TOGARAM2: variants seen among roughly 807,000 people sequenced by gnomAD.
TOGARAM2 encodes the protein TOG array regulator of axonemal microtubules protein 2.
Under a neutral mutation model 93.3 loss-of-function variants are expected in TOGARAM2, and 85 were observed. The ratio of observed to expected loss-of-function variants is 0.91; its 90% CI spans 0.76 to 1.09. The LOEUF is 1.09. Among genes scored for constraint, TOGARAM2 ranks in the 50% least tolerant of loss-of-function variants. The pLI is 0.00. For missense variants in TOGARAM2, 1,277 were observed against 1,334.5 expected, an observed-to-expected ratio of 0.96 and a Z score of 0.67; for synonymous variants, 593 against 552.8, an observed-to-expected ratio of 1.07 and a Z score of -1.02.
At chr2:28,976,288 G>T (rs868015381) in intron 1 of TOGARAM2, among the ~76,000 whole-genome samples, 1 of 152,166 alleles carries the variant, frequency 6.6e-6, no homozygotes, top group Non-Finnish European at 1.5e-5. Context: ...GGAGAATGGC[G>T]TGAACCTGGA....
intron 18 of TOGARAM2, among the ~76,000 whole-genome samples, chr2:29,043,070 G>C (rs1023258024): frequency 1.3e-5 from 2 of 152,172 alleles, no homozygotes; most frequent in African/African-American, 4.8e-5. Context: ...TCTGAGCCCA[G>C]GTAAATGATG....
rs1313383673 is a variant in TOGARAM2 at position 28,998,272 on chromosome 2, A to G, written c.139+19A>G. 1.3e-6 allele frequency: 2 copies of G among 1,581,210 alleles called. No individual in the cohort carries two copies. The highest frequency in any genetic ancestry group is 1.7e-6 in the Non-Finnish European group (2 of 1,158,554). ...GGAGAAGGTGAGATGGGAAGACCTC[A>G]CCTGGTCAGGGCCCCTGGCCTCATC... On this transcript the variant is annotated intron_variant, in intron 3 of 19. Coordinates refer to ENST00000379558, the MANE Select transcript of TOGARAM2 (RefSeq NM_199280.4).
intron 14 of TOGARAM2, among the ~76,000 whole-genome samples, chr2:29,029,734 C>T (rs1303128282): frequency 4.3e-5 from 6 of 138,606 alleles, no homozygotes; most frequent in Non-Finnish European, 6.2e-5. Context: ...CCAGCCTGGG[C>T]GACAGAACAA....
Position 29,052,175 on chromosome 2 carries a change from C to T in TOGARAM2, c.*82C>T. ...CCTGGTTACTTTCCCCCTTAGAGTT[C>T]CAGATGTACATGGTATATTTTGAAG... On this transcript the variant is annotated 3_prime_UTR_variant, in exon 20 of 20. Transcript: ENST00000379558. 9.2e-7 allele frequency: 1 copy of T among 1,086,584 alleles called. No individual in the cohort carries two copies. The highest frequency in any genetic ancestry group is 1.3e-6 in the Non-Finnish European group (1 of 785,618). 67.3% of individuals were successfully genotyped at this position (1,086,584 alleles called of 1,614,324 possible).
chr2:28,993,351 C>T (rs772696349), intron 1 of TOGARAM2, among the ~76,000 whole-genome samples: 12 of 152,324 alleles, frequency 7.9e-5, no homozygotes, highest in Non-Finnish European at 1.6e-4. Context: ...TGCTATAATT[C>T]AGCCATGGAA....
At position 29,020,759 on chromosome 2, in the gene TOGARAM2, C is replaced by T. The variant is rs544408711; in HGVS notation, c.1361-1399C>T. 2.3e-3 allele frequency among the ~76,000 whole-genome samples: 350 copies of T among 152,306 alleles called. 1 individual carries two copies. The highest frequency in any genetic ancestry group is 0.014 in the South Asian group (69 of 4,830). ...TTGCAGACAGCATGTCATTCACGTC[C>T]GTGCTGCCCAGGGAAGGATGGGGAG... On this transcript the variant is annotated intron_variant, in intron 10 of 19. Coordinates refer to ENST00000379558, the MANE Select transcript of TOGARAM2 (RefSeq NM_199280.4).
chr2:29,041,296 T>C (rs2148389231), intron 18 of TOGARAM2, among the ~76,000 whole-genome samples: 2 of 152,298 alleles, frequency 1.3e-5, no homozygotes, highest in South Asian at 4.1e-4. Flanking sequence ...AGTGCTGGGA[T>C]GACAGGTGTG....
Position 29,026,865 on chromosome 2 carries a change from C to A in TOGARAM2, c.1866C>A (p.Pro622=). The part of the protein sequence containing the change: ...LTSAGVYHRN[P]LIRKYAAEHL... ...GATTTCCTTTCAGCCACCGGAACCCCTTGATCCGGAAATACGCGGCTGAGC... is the reference window on the plus strand; with the variant it reads ...GATTTCCTTTCAGCCACCGGAACCCATTGATCCGGAAATACGCGGCTGAGC... Residue 622 remains proline (P), a synonymous_variant, in exon 14 of 20, where the codon CCC becomes CCA. Coordinates refer to ENST00000379558, the MANE Select transcript of TOGARAM2 (RefSeq NM_199280.4). 1 of 1,592,388 alleles carries A rather than the reference C, an allele frequency of 6.3e-7. No homozygotes were observed.
intron 18 of TOGARAM2, among the ~76,000 whole-genome samples, chr2:29,040,854 G>C (rs754974231): frequency 5.9e-5 from 9 of 152,064 alleles, no homozygotes; most frequent in Non-Finnish European, 7.3e-5. Flanking sequence ...CCCGTGTCTC[G>C]TTTGTTGGCT....
chr2:29,044,037 T>C (rs1446225924), intron 18 of TOGARAM2, among the ~76,000 whole-genome samples: 3 of 152,210 alleles, frequency 2.0e-5, no homozygotes, highest in African/African-American at 7.2e-5. Flanking sequence ...GTGGCTCATC[T>C]CTGTAATAAA....
intron 1 of TOGARAM2, among the ~76,000 whole-genome samples, chr2:28,966,451 C>T (rs1005396216): frequency 3.9e-5 from 6 of 152,006 alleles, no homozygotes; most frequent in African/African-American, 1.5e-4. Context: ...GCGCACACCA[C>T]CATGGCCAGC....
intron 18 of TOGARAM2, among the ~76,000 whole-genome samples, chr2:29,042,753 C>T (rs765066172): frequency 2.7e-4 from 41 of 152,194 alleles, no homozygotes; most frequent in Non-Finnish European, 4.7e-4. Flanking sequence ...GACTGCCAGA[C>T]GGGCATTCTC....
At chr2:28,958,694 T>C (rs1671758777) in intron 1 of TOGARAM2, among the ~76,000 whole-genome samples, 1 of 152,172 alleles carries the variant, frequency 6.6e-6, no homozygotes, top group African/African-American at 2.4e-5. Context: ...CACGACCAGG[T>C]TGCTACAATT....
chr2:28,986,684 G>C (rs899376340), intron 1 of TOGARAM2, among the ~76,000 whole-genome samples: 1 of 152,196 alleles, frequency 6.6e-6, no homozygotes, highest in Admixed American at 6.5e-5. Flanking sequence ...CCGTGTTGCT[G>C]TCCAGCCTCA....
In TOGARAM2 at chr2:29,051,871, C is replaced by T. The variant is rs764828299; in HGVS notation, c.2838C>T (p.Ser946=). 1.7e-5 allele frequency: 27 copies of T among 1,571,618 alleles called. No homozygotes were observed. The highest frequency in any genetic ancestry group is 1.1e-4 in the South Asian group (9 of 85,650). ...ATRNGTLPGP[S]GNIRGVVCRL... Reference sequence around the variant, plus strand: ...GGAATGGCACCCTGCCTGGACCCAGCGGGAACATCCGCGGGGTGGTGTGCC... The same window carrying T: ...GGAATGGCACCCTGCCTGGACCCAGTGGGAACATCCGCGGGGTGGTGTGCC... The change falls in exon 20 of 20, where the codon AGC becomes AGT. Residue 946 remains serine, a synonymous_variant. Coordinates refer to ENST00000379558, the MANE Select transcript of TOGARAM2 (RefSeq NM_199280.4).
chr2:29,013,549 C>G (rs553063006), intron 7 of TOGARAM2, among the ~76,000 whole-genome samples: 1 of 152,296 alleles, frequency 6.6e-6, no homozygotes, highest in South Asian at 2.1e-4. Flanking sequence ...CCCTGGCAAG[C>G]CACTGGTGCA....
chr2:28,965,714 C>T (rs958427481), intron 1 of TOGARAM2, among the ~76,000 whole-genome samples: 8 of 152,220 alleles, frequency 5.3e-5, no homozygotes, highest in African/African-American at 1.9e-4. Context: ...CAAAGGCTTT[C>T]TGCCTACCTC....
chr2:29,047,796 G>A (rs1666830628), intron 19 of TOGARAM2: 1 of 152,156 alleles, frequency 6.6e-6, no homozygotes. Context: ...TGAGCTTCCT[G>A]GGGGCTGAAG....
rs147669986 is a variant in TOGARAM2 at position 29,000,065 on chromosome 2, T to C, written c.427+597T>C. 3.3e-3 allele frequency among the ~76,000 whole-genome samples: 508 copies of C among 152,340 alleles called. 4 individuals carry two copies. Among genetic ancestry groups the C allele is most frequent in the African/African-American group, 0.011 (476 of 41,580 alleles). ...CCCAATGTGAGTTTGCCCCTTAGGATGCTCTCCAATAATGCCCTATCATTT... is the reference window on the plus strand; with the variant it reads ...CCCAATGTGAGTTTGCCCCTTAGGACGCTCTCCAATAATGCCCTATCATTT... On this transcript the variant is annotated intron_variant, in intron 4 of 19. Coordinates refer to ENST00000379558, the MANE Select transcript of TOGARAM2 (RefSeq NM_199280.4).
Sources: gnomAD v4.1 joint callset for allele counts (sites outside exome capture counted in the v4.1 genomes callset) on GRCh38, gnomAD v4.1.1 for gene constraint, MANE v1.5 for transcripts, NCBI Gene and HGNC (gene_info 2026-07-23, HGNC 2026-07-21) for gene names.